Variants in ACTG1 observed in about 807,000 individuals in gnomAD.
ACTG1 encodes actin, cytoplasmic 2.
A neutral mutation model predicts 34.3 loss-of-function variants in ACTG1; 14 were observed. The ratio of observed to expected loss-of-function variants is 0.41; its 90% CI spans 0.27 to 0.64. The LOEUF is 0.64. ACTG1 is among the 30% of genes least tolerant of loss of function. The pLI is 0.33. For synonymous variants in ACTG1, 422 were observed against 213.9 expected (o/e 1.97, Z -8.49); for missense variants, 233 against 529.5 (o/e 0.44, Z 5.50).
At position 81,512,722 on chromosome 17, in the gene ACTG1, CG is replaced by C. The variant is rs1568064144; in HGVS notation, c.-7+11del. 9.9e-6 allele frequency: 4 copies of C among 406,032 alleles called. No individual in the cohort carries two copies. The highest frequency in any genetic ancestry group is 3.2e-5 in the Admixed American group (1 of 31,120). 25.2% of individuals were successfully genotyped at this position (406,032 alleles called of 1,614,324 possible). A position where few individuals can be genotyped will look rare whatever the true frequency, so the allele number is the denominator to read the frequency against. ...GCGACGTCCAGCTCAGGCCCCGGGG[CG>C]GGGCGCTCACCGGCAGAGAAACGCG... is the stretch of plus-strand genomic sequence containing the variant. On this transcript the variant is annotated intron_variant, in intron 1 of 5. Transcript: ENST00000573283.
At chr17:81,511,161 T>TTCTAA (rs781788813) in intron 4 of ACTG1, 27 bp downstream of exon 4, 2 of 1,613,266 alleles carry the variant, frequency 1.2e-6, no homozygotes, top group Admixed American at 1.7e-5. Flanking sequence ...GATGTAAGAG[T>TTCTAA]AGAAACCTTT....
rs2143785314 is a variant in ACTG1 at position 81,512,251 on chromosome 17, A to G, written c.104T>C (p.Val35Ala). 1 of 1,613,690 alleles carries G rather than the reference A, an allele frequency of 6.2e-7. No individual in the cohort carries two copies. The highest frequency in any genetic ancestry group is 8.5e-7 in the Non-Finnish European group (1 of 1,179,932). The change falls in exon 2 of 6, where the codon GTC becomes GCC. Residue 35 changes from valine (V) to alanine (A), a missense_variant. Val to Ala is a moderately conservative substitution (Grantham distance 64). Transcript: ENST00000573283. ...DAPRAVFPSIVGRPRHQGVMV... is the reference protein window; with the variant it reads ...DAPRAVFPSIAGRPRHQGVMV... ...ACTCACCTGGTGTCTGGGGCGCCCGACGATGGAAGGAAACACGGCTCGGGG... is the reference window on the plus strand; with the variant it reads ...ACTCACCTGGTGTCTGGGGCGCCCGGCGATGGAAGGAAACACGGCTCGGGG...
At chr17:81,510,868 G>A (rs782296547) in intron 5 of ACTG1, 35 bp from the exon 6 acceptor site, 3 of 1,597,888 alleles carry the variant, frequency 1.9e-6, no homozygotes, top group African/African-American at 2.8e-5. Flanking sequence ...TCAGCTCACA[G>A]AGCGCCCCCC....
intron 5 of ACTG1, 23 bp downstream of exon 5, chr17:81,510,904 G>A (rs781892256): frequency 2.0e-5 from 33 of 1,613,740 alleles, no homozygotes; most frequent in Non-Finnish European, 2.3e-5. Context: ...GCCAGGCAGA[G>A]GGCCACCAAC....
In ACTG1 at chr17:81,511,750, C is replaced by A. The variant is rs1555666903; in HGVS notation, c.364-124G>T. 3.3e-6 allele frequency: 5 copies of A among 1,525,472 alleles called. No individual in the cohort carries two copies. The Admixed American group carries it at 7.7e-5, about 24-fold the overall frequency. The allele number at this position is 1,525,472 out of a possible 1,614,324, so 94.5% of individuals were successfully genotyped here. On this transcript the variant is annotated intron_variant, in intron 3 of 5. Transcript: ENST00000573283. ...GAAAAGAAAAGAACGCAGGCAGAAA[C>A]CAAATGAGAAACCTGGAGGCTTCAG...
At chr17:81,512,463 C>A (rs543879801) in intron 1 of ACTG1, 103 bp from the exon 2 acceptor site, 3 of 1,590,344 alleles carry the variant, frequency 1.9e-6, no homozygotes, top group South Asian at 1.1e-5. Context: ...CCTGCCCCAA[C>A]CCCAGCGGCC....
chr17:81,511,780 G>GA (rs782282111), intron 3 of ACTG1, 123 bp downstream of exon 3: 1 of 1,562,064 alleles, frequency 6.4e-7, no homozygotes, highest in African/African-American at 1.4e-5. Context: ...CTTCAGGGAG[G>GA]AAATGCCGGG....
intron 5 of ACTG1, 35 bp downstream of exon 5, chr17:81,510,882 CAGCTCTCCCG>C (rs2031722385): frequency 1.2e-6 from 2 of 1,613,596 alleles, no homozygotes; most frequent in Admixed American, 3.3e-5. Flanking sequence ...GCCCCCCAGT[CAGCTCTCCCG>C]AGCCAGGCAG....
rs568380841 is a variant in ACTG1 at position 81,510,828 on chromosome 17, G to T, written c.990C>A (p.Ile330=). 3 of 1,613,724 alleles carry T rather than the reference G, an allele frequency of 1.9e-6. No homozygotes were observed. The highest frequency in any genetic ancestry group is 3.3e-5 in the Admixed American group (2 of 59,974). ...CCGAGTACTTGCGCTCTGGGGGTGC[G>T]ATGATCTGCAAAGACAGCCAGGCAC... is the stretch of plus-strand genomic sequence containing the variant. ...LAPSTMKIKI[I]APPERKYSVW... is the part of the protein sequence containing the mutation. Residue 330 remains isoleucine (I), a synonymous_variant, in exon 6 of 6, where the codon ATC becomes ATA. Coordinates refer to ENST00000573283, the MANE Select transcript of ACTG1 (RefSeq NM_001614.5).
In ACTG1 at chr17:81,510,485, G is replaced by C. The variant is rs782707268; in HGVS notation, c.*205C>G. ...CAGGGTATTAAACAAATACCAAGGG[G>C]AACAGTTAACTTCAATACAAGGTCA... On this transcript the variant is annotated 3_prime_UTR_variant, in exon 6 of 6. Coordinates refer to ENST00000573283, the MANE Select transcript of ACTG1 (RefSeq NM_001614.5). 2 of 739,872 alleles carry C rather than the reference G, an allele frequency of 2.7e-6. No individual in the cohort carries two copies. The highest frequency in any genetic ancestry group is 2.0e-5 in the Admixed American group (1 of 49,688). The allele number at this position is 739,872 out of a possible 1,614,324, so 45.8% of individuals were successfully genotyped here.
chr17:81,512,101 G>A lies in ACTG1; in HGVS notation c.165C>T (p.Gly55=), dbSNP rs146402466. Residue 55 remains glycine (G), a synonymous_variant, in exon 3 of 6, where the codon GGC becomes GGT. Transcript: ENST00000573283. ...TGCCACGCTTGCTCTGGGCCTCGTCGCCCACGTAGGAGTCCTTCTGGCCCA... is the reference window on the plus strand; with the variant it reads ...TGCCACGCTTGCTCTGGGCCTCGTCACCCACGTAGGAGTCCTTCTGGCCCA... The part of the protein sequence containing the change: ...VGMGQKDSYV[G]DEAQSKRGIL... 167 of 1,613,786 alleles carry A rather than the reference G, an allele frequency of 1.0e-4. No homozygotes were observed. In the Admixed American group the frequency reaches 1.4e-3, roughly 14 times the overall value.
rs550758256 is a variant in ACTG1, at chr17:81,512,203, C to A, written c.123+29G>T. On this transcript the variant is annotated intron_variant, in intron 2 of 5. Transcript: ENST00000573283. ...CCGAACCCACCCCGCAACGCAGAAC[C>A]CAGGAGCCCCGCGGCGCCATCCACT... The A allele has an allele frequency of 3.7e-6, 6 of 1,613,476 alleles. No homozygotes were observed. In the East Asian group the frequency reaches 6.7e-5, roughly 18 times the overall value.
In ACTG1 at chr17:81,510,551, T is replaced by A; in HGVS notation, c.*139A>T. 1 of 1,109,712 alleles carries A rather than the reference T, an allele frequency of 9.0e-7. No homozygotes were observed. The allele number at this position is 1,109,712 out of a possible 1,614,324, so 68.7% of individuals were successfully genotyped here. ...TCTACAATCCAGTGCTGATATCAGATACAAGCTTCAAGGACAATTTCTTTT... is the reference window on the plus strand; with the variant it reads ...TCTACAATCCAGTGCTGATATCAGAAACAAGCTTCAAGGACAATTTCTTTT... On this transcript the variant is annotated 3_prime_UTR_variant, in exon 6 of 6. Transcript: ENST00000573283.
At chr17:81,512,446 C>G (rs2031873344) in intron 1 of ACTG1, 86 bp from the exon 2 acceptor site, 1 of 1,604,854 alleles carries the variant, frequency 6.2e-7, no homozygotes, top group Admixed American at 1.7e-5. Flanking sequence ...CGCGGGGAAG[C>G]CTCGGCCCTG....
At chr17:81,512,445 G>C in intron 1 of ACTG1, 85 bp from the exon 2 acceptor site, 1 of 1,606,274 alleles carries the variant, frequency 6.2e-7, no homozygotes, top group Non-Finnish European at 8.5e-7. Context: ...CCGCGGGGAA[G>C]CCTCGGCCCT....
chr17:81,510,851 C>G lies in ACTG1; in HGVS notation c.985-18G>C. 1 of 1,609,764 alleles carries G rather than the reference C, an allele frequency of 6.2e-7. No individual in the cohort carries two copies. The highest frequency in any genetic ancestry group is 8.5e-7 in the Non-Finnish European group (1 of 1,179,174). On this transcript the variant is annotated intron_variant, in intron 5 of 5. Coordinates refer to ENST00000573283, the MANE Select transcript of ACTG1 (RefSeq NM_001614.5). ...GCGATGATCTGCAAAGACAGCCAGG[C>G]ACGGCTTCAGCTCACAGAGCGCCCC...
rs1555667054 is a variant in ACTG1, at chr17:81,511,939, G to A, written c.327C>T (p.Pro109=). 8.7e-6 allele frequency: 14 copies of A among 1,613,974 alleles called. No homozygotes were observed. The highest frequency in any genetic ancestry group is 4.0e-5 in the African/African-American group (3 of 74,934). ...EEHPVLLTEA[P]LNPKANREKM... ...TCTCTCTGTTGGCCTTGGGGTTCAG[G>A]GGGGCCTCGGTCAGCAGCACTGGGT... The change falls in exon 3 of 6, where the codon CCC becomes CCT. Residue 109 remains proline, a synonymous_variant. Coordinates refer to ENST00000573283, the MANE Select transcript of ACTG1 (RefSeq NM_001614.5).
chr17:81,512,713 G>T (rs1162594781), intron 1 of ACTG1, 21 bp downstream of exon 1: 1 of 407,020 alleles, frequency 2.5e-6, no homozygotes, highest in Admixed American at 3.3e-5. Context: ...TCCAGCTCAG[G>T]CCCCGGGGCG....
In ACTG1 at chr17:81,510,473, AAATACCAAGGGG is replaced by A. The variant is rs1555666183; in HGVS notation, c.*205_*216del. 8 of 723,216 alleles carry A rather than the reference AAATACCAAGGGG, an allele frequency of 1.1e-5. No individual in the cohort carries two copies. The highest frequency in any genetic ancestry group is 2.0e-5 in the Non-Finnish European group (8 of 409,388). The allele number at this position is 723,216 out of a possible 1,614,324, so 44.8% of individuals were successfully genotyped here. A position where few individuals can be genotyped will look rare whatever the true frequency, so the allele number is the denominator to read the frequency against. On this transcript the variant is annotated 3_prime_UTR_variant, in exon 6 of 6. Transcript: ENST00000573283. ...CAAAGATATGTACAGGGTATTAAACAAATACCAAGGGGAACAGTTAACTTCAATACAAGGTCA... is the reference window on the plus strand; with the variant it reads ...CAAAGATATGTACAGGGTATTAAACAAACAGTTAACTTCAATACAAGGTCA...
Sources: gnomAD v4.1 joint callset for allele counts on GRCh38, gnomAD v4.1.1 for gene constraint, MANE v1.5 for transcripts, NCBI Gene and HGNC (gene_info 2026-07-23, HGNC 2026-07-21) for gene names.